HECW1: variants seen among roughly 807,000 people sequenced by gnomAD.
HECW1 encodes E3 ubiquitin-protein ligase HECW1.
A neutral mutation model predicts 182.3 loss-of-function variants in HECW1; 61 were observed. The observed-to-expected ratio is 0.33, with a 90% CI of 0.27 to 0.41. The LOEUF (loss-of-function observed/expected upper bound fraction) is 0.41. HECW1 is among the 10% of genes least tolerant of loss of function. The pLI is 1.00. For synonymous variants in HECW1, 859 were observed against 832.6 expected (o/e 1.03, Z -0.55); for missense variants, 1,739 against 2,108.9 (o/e 0.82, Z 3.44).
intron 16 of HECW1, among the ~76,000 whole-genome samples, chr7:43,474,830 C>A (rs1290463785): frequency 6.6e-6 from 1 of 152,166 alleles, no homozygotes; most frequent in Admixed American, 6.5e-5. Flanking sequence ...CTGACACATG[C>A]TACAACATGA....
intron 3 of HECW1, among the ~76,000 whole-genome samples, chr7:43,255,328 G>T (rs1800443884): frequency 6.6e-6 from 1 of 152,204 alleles, no homozygotes; most frequent in African/African-American, 2.4e-5. Context: ...GCCGGGCCTG[G>T]TGGCTCATGC....
rs184294526 is a variant in HECW1, at chr7:43,316,013, T to C, written c.352+3926T>C. The stretch of plus-strand genomic sequence containing the variant: ...TCCACTCTTAACAGCAATAGCATGT[T>C]TGTTGTCCACTCTTCTATTATAGAT... On this transcript the variant is annotated intron_variant, in intron 4 of 29. Transcript: ENST00000395891. Among the ~76,000 whole-genome samples, 180 of 152,296 alleles carry C rather than the reference T, an allele frequency of 1.2e-3. 1 individual carries two copies. Among genetic ancestry groups the C allele is most frequent in the African/African-American group, 4.3e-3 (177 of 41,564 alleles).
At position 43,327,208 on chromosome 7, in the gene HECW1, G is replaced by T. The variant is rs544628480; in HGVS notation, c.460+6466G>T. ...TGAACCCCACCTGTGCAACGTAAAG[G>T]TGTGATCATTGCACTGCTTCACAGG... On this transcript the variant is annotated intron_variant, in intron 5 of 29. Transcript: ENST00000395891. Among the ~76,000 whole-genome samples, 12 of 152,226 alleles carry T rather than the reference G, an allele frequency of 7.9e-5. No individual in the cohort carries two copies. In the East Asian group the frequency reaches 9.6e-4, roughly 12 times the overall value.
chr7:43,490,333 T>A (rs562375658), intron 17 of HECW1, among the ~76,000 whole-genome samples: 1 of 152,188 alleles, frequency 6.6e-6, no homozygotes, highest in Admixed American at 6.5e-5. Flanking sequence ...TGGAGCTCTC[T>A]CCTCCCTTTC....
chr7:43,270,868 C>A (rs1302826023), intron 3 of HECW1, among the ~76,000 whole-genome samples: 7 of 152,040 alleles, frequency 4.6e-5, no homozygotes, highest in Non-Finnish European at 8.8e-5. Context: ...GTAAGAAAAT[C>A]TTAGTTATAA....
intron 4 of HECW1, among the ~76,000 whole-genome samples, chr7:43,314,150 C>T (rs1018524863): frequency 2.0e-5 from 3 of 152,162 alleles, no homozygotes; most frequent in Non-Finnish European, 4.4e-5. Flanking sequence ...GGCATCTTCC[C>T]GCAGCTGGTG....
At chr7:43,489,980 C>T (rs1269460932) in intron 17 of HECW1, among the ~76,000 whole-genome samples, 1 of 152,152 alleles carries the variant, frequency 6.6e-6, no homozygotes, top group Non-Finnish European at 1.5e-5. Flanking sequence ...GGAGAAATGT[C>T]TTTCCTTTTT....
At chr7:43,357,114 C>T (rs73326132) in intron 5 of HECW1, among the ~76,000 whole-genome samples, 1,793 of 152,188 alleles carry the variant, frequency 0.012, 34 homozygotes, top group African/African-American at 0.038. Flanking sequence ...GGGGAGCCCT[C>T]ATACACTGCT....
intron 2 of HECW1, among the ~76,000 whole-genome samples, chr7:43,127,555 A>G (rs941598429): frequency 6.6e-6 from 1 of 151,808 alleles, no homozygotes; most frequent in Admixed American, 6.6e-5. Flanking sequence ...AAGGAAAACA[A>G]ACAGCCTTCT....
At chr7:43,552,125 A>G in intron 27 of HECW1, 97 bp from the exon 28 acceptor site, 2 of 741,094 alleles carry the variant, frequency 2.7e-6, no homozygotes, top group South Asian at 3.0e-5. Context: ...ATTGCCAGTG[A>G]TGGTCAATTT....
At chr7:43,178,787 G>A (rs1000997433) in intron 2 of HECW1, among the ~76,000 whole-genome samples, 2 of 152,188 alleles carry the variant, frequency 1.3e-5, no homozygotes, top group South Asian at 4.1e-4. Context: ...TACCAGAGCC[G>A]CTGTGGCGTT....
intron 5 of HECW1, among the ~76,000 whole-genome samples, chr7:43,338,276 G>A (rs900654356): frequency 2.6e-5 from 4 of 152,164 alleles, no homozygotes. Context: ...ATCCAGGATA[G>A]GGGACTGCAG....
intron 19 of HECW1, among the ~76,000 whole-genome samples, chr7:43,497,111 A>G (rs1033345669): frequency 1.2e-4 from 18 of 152,216 alleles, no homozygotes; most frequent in African/African-American, 4.3e-4. Flanking sequence ...GTGCAGAGGA[A>G]GAGGACTTAC....
chr7:43,180,892 A>G (rs762196828), intron 2 of HECW1, among the ~76,000 whole-genome samples: 1 of 152,170 alleles, frequency 6.6e-6, no homozygotes, highest in South Asian at 2.1e-4. Flanking sequence ...TATGCAATAC[A>G]TTATTGCTAA....
intron 4 of HECW1, among the ~76,000 whole-genome samples, chr7:43,317,064 A>G (rs1809409164): frequency 6.6e-6 from 1 of 152,048 alleles, no homozygotes. Flanking sequence ...TAAATACTAT[A>G]AGCACCTACC....
At chr7:43,337,656 A>G (rs1167977964) in intron 5 of HECW1, among the ~76,000 whole-genome samples, 1 of 152,188 alleles carries the variant, frequency 6.6e-6, no homozygotes, top group Non-Finnish European at 1.5e-5. Flanking sequence ...CTGCTTCATC[A>G]CAGCATCTCA....
chr7:43,288,391 C>A (rs78070246), intron 3 of HECW1, among the ~76,000 whole-genome samples: 192 of 152,316 alleles, frequency 1.3e-3, no homozygotes, highest in African/African-American at 4.4e-3. Flanking sequence ...TCTCTCTTGA[C>A]ATTTTTCTGC....
At chr7:43,253,310 C>T (rs1800228031) in intron 3 of HECW1, among the ~76,000 whole-genome samples, 1 of 152,176 alleles carries the variant, frequency 6.6e-6, no homozygotes, top group African/African-American at 2.4e-5. Context: ...CACATGCCTA[C>T]ACATAGTTGT....
intron 9 of HECW1, among the ~76,000 whole-genome samples, chr7:43,441,721 G>A (rs1054607103): frequency 5.3e-5 from 8 of 152,156 alleles, no homozygotes; most frequent in African/African-American, 9.7e-5. Context: ...AAGCATGGCC[G>A]TGCTCCAATA....
Sources: allele counts gnomAD v4.1 joint callset (sites outside exome capture counted in the v4.1 genomes callset), GRCh38; gene constraint gnomAD v4.1.1; transcripts MANE v1.5; gene names NCBI Gene and HGNC (gene_info 2026-07-23, HGNC 2026-07-21).